EXOSC10: variants seen among roughly 807,000 people sequenced by gnomAD.
EXOSC10 encodes the protein exosome complex component 10.
In EXOSC10, 94 loss-of-function variants were observed where a neutral mutation model predicts 126.6. That is an observed-to-expected ratio of 0.74 (90% CI 0.63 to 0.88). The LOEUF is 0.88. Ranked by LOEUF, EXOSC10 falls within the 40% of genes least tolerant of loss-of-function variation. The pLI is 0.00. For missense variants in EXOSC10, 1,041 were observed against 1,100.5 expected, an observed-to-expected ratio of 0.95 and a Z score of 0.77; for synonymous variants, 395 against 400.8, an observed-to-expected ratio of 0.99 and a Z score of 0.17.
At chr1:11,084,464 T>C (rs1640375276) in intron 9 of EXOSC10, among the ~76,000 whole-genome samples, 2 of 152,238 alleles carry the variant, frequency 1.3e-5, no homozygotes, top group Admixed American at 1.3e-4. Flanking sequence ...CACCCACTTT[T>C]TGATGGGGTT....
chr1:11,071,084 C>T (rs1019964276), intron 20 of EXOSC10, 111 bp from the exon 21 acceptor site: 1 of 894,516 alleles, frequency 1.1e-6, no homozygotes, highest in African/African-American at 1.7e-5. Flanking sequence ...ACGGCTGATT[C>T]CTCCTCCCTC....
chr1:11,074,780 GTGT>G (rs1639721255), intron 17 of EXOSC10, among the ~76,000 whole-genome samples: 1 of 152,124 alleles, frequency 6.6e-6, no homozygotes, highest in Non-Finnish European at 1.5e-5. Flanking sequence ...TATGTATAAG[GTGT>G]TGTGTCTGCA....
chr1:11,098,830 A>G (rs947537962), intron 1 of EXOSC10, among the ~76,000 whole-genome samples: 8 of 152,258 alleles, frequency 5.3e-5, no homozygotes, highest in Non-Finnish European at 1.0e-4. Flanking sequence ...AGTGACATAA[A>G]TGATGGCTGA....
chr1:11,092,066 A>C (rs995697449), intron 3 of EXOSC10, among the ~76,000 whole-genome samples: 6 of 152,258 alleles, frequency 3.9e-5, no homozygotes, highest in Non-Finnish European at 7.3e-5. Flanking sequence ...AGAACAGATC[A>C]ATGTATGTAT....
chr1:11,069,409 G>T, intron 22 of EXOSC10, 150 bp downstream of exon 22: 1 of 902,872 alleles, frequency 1.1e-6, no homozygotes, highest in Non-Finnish European at 1.7e-6. Flanking sequence ...TGTCCACATT[G>T]CCACGGCCTC....
intron 9 of EXOSC10, among the ~76,000 whole-genome samples, chr1:11,084,765 G>T (rs778681424): frequency 6.6e-6 from 1 of 152,092 alleles, no homozygotes; most frequent in Non-Finnish European, 1.5e-5. Context: ...TAGGTCTAAC[G>T]TTGTTAAGTC....
At chr1:11,083,904 T>G (rs1640339600) in intron 9 of EXOSC10, among the ~76,000 whole-genome samples, 1 of 152,178 alleles carries the variant, frequency 6.6e-6, no homozygotes, top group Admixed American at 6.5e-5. Flanking sequence ...TGCGATAGTT[T>G]ACTGAGAATG....
In EXOSC10 at chr1:11,067,994, C is replaced by T. The variant is rs757060707; in HGVS notation, c.2627+14G>A. The T allele has an allele frequency of 8.1e-6, 13 of 1,612,924 alleles. No homozygotes were observed. The Admixed American group carries it at 1.3e-4, about 17-fold the overall frequency. Reference sequence around the variant, plus strand: ...CACTGGGCTCCCTGGGCCACACCGCCGTCCACCACATACCTGTCTGACTTT... The same window carrying T: ...CACTGGGCTCCCTGGGCCACACCGCTGTCCACCACATACCTGTCTGACTTT... On this transcript the variant is annotated intron_variant, in intron 24 of 24. Coordinates refer to ENST00000376936, the MANE Select transcript of EXOSC10 (RefSeq NM_001001998.3).
intron 21 of EXOSC10, 185 bp downstream of exon 21, chr1:11,070,715 C>A (rs531240448): frequency 3.4e-6 from 2 of 582,642 alleles, no homozygotes; most frequent in South Asian, 4.4e-5. Flanking sequence ...AGAGGAATTA[C>A]AATATCAATC....
intron 2 of EXOSC10, among the ~76,000 whole-genome samples, chr1:11,097,558 C>T (rs1319409271): frequency 6.6e-6 from 1 of 151,698 alleles, no homozygotes; most frequent in Non-Finnish European, 1.5e-5. Flanking sequence ...AACCCTGTCT[C>T]TACTAAAAAT....
intron 7 of EXOSC10, 58 bp downstream of exon 7, chr1:11,088,061 CTACT>C: frequency 7.2e-7 from 1 of 1,391,712 alleles, no homozygotes. Flanking sequence ...ATCAATGAAT[CTACT>C]TATTTGATTC....
rs1308719273 is a variant in EXOSC10 at position 11,099,838 on chromosome 1, A to T, written c.-7T>A. ...GGGTACTGGGTGGCGCCATTTTTTCAGCCTGCACGGCTCGTCTCGCGAGAG... is the reference window on the plus strand; with the variant it reads ...GGGTACTGGGTGGCGCCATTTTTTCTGCCTGCACGGCTCGTCTCGCGAGAG... On this transcript the variant is annotated 5_prime_UTR_variant, in exon 1 of 25. Coordinates refer to ENST00000376936, the MANE Select transcript of EXOSC10 (RefSeq NM_001001998.3). The T allele has an allele frequency of 6.3e-7, 1 of 1,599,506 alleles. No homozygotes were observed. The highest frequency in any genetic ancestry group is 1.1e-5 in the South Asian group (1 of 89,974).
At chr1:11,084,028 T>G (rs1225305674) in intron 9 of EXOSC10, among the ~76,000 whole-genome samples, 3 of 152,362 alleles carry the variant, frequency 2.0e-5, no homozygotes, top group African/African-American at 7.2e-5. Flanking sequence ...AGTCTATCAT[T>G]GTTGGACATT....
At chr1:11,076,590 G>A (rs1356486480) in intron 17 of EXOSC10, among the ~76,000 whole-genome samples, 2 of 152,174 alleles carry the variant, frequency 1.3e-5, no homozygotes, top group African/African-American at 2.4e-5. Context: ...ACAACAGGAC[G>A]TCAGCCTTTC....
intron 2 of EXOSC10, among the ~76,000 whole-genome samples, chr1:11,097,522 C>G (rs572523129): frequency 2.0e-5 from 3 of 152,212 alleles, no homozygotes; most frequent in Middle Eastern, 3.4e-3. Flanking sequence ...GTCAGGAGAT[C>G]GAGACCATCC....
chr1:11,091,616 C>G lies in EXOSC10; in HGVS notation c.373-19G>C. ...AAATACCCTAAGAGTAGAAGAGGTA[C>G]TGGTTAAGCATTTTTCCTTTTGAGG... is the stretch of plus-strand genomic sequence containing the variant. On this transcript the variant is annotated intron_variant, in intron 3 of 24. Transcript: ENST00000376936. The G allele has an allele frequency of 6.3e-7, 1 of 1,588,942 alleles. No individual in the cohort carries two copies. The highest frequency in any genetic ancestry group is 8.6e-7 in the Non-Finnish European group (1 of 1,158,338).
chr1:11,097,672 G>A (rs1291022237), intron 2 of EXOSC10, among the ~76,000 whole-genome samples: 2 of 151,888 alleles, frequency 1.3e-5, no homozygotes, highest in African/African-American at 2.4e-5. Flanking sequence ...CTTGCAGTGA[G>A]CCGAGATCAT....
chr1:11,081,625 C>G (rs542738344), intron 10 of EXOSC10, among the ~76,000 whole-genome samples: 4 of 152,342 alleles, frequency 2.6e-5, no homozygotes, highest in Admixed American at 2.6e-4. Context: ...ACTTCATAGG[C>G]TGTTGTGAGG....
At chr1:11,078,085 A>C (rs1639923197) in intron 14 of EXOSC10, among the ~76,000 whole-genome samples, 1 of 152,066 alleles carries the variant, frequency 6.6e-6, no homozygotes, top group African/African-American at 2.4e-5. Context: ...CCAGTCTGGG[A>C]AACACAGCAA....
Sources: allele counts gnomAD v4.1 joint callset (sites outside exome capture counted in the v4.1 genomes callset), GRCh38; gene constraint gnomAD v4.1.1; transcripts MANE v1.5; gene names NCBI Gene and HGNC (gene_info 2026-07-23, HGNC 2026-07-21).